CAMTA1: variants seen among roughly 807,000 people sequenced by gnomAD.
CAMTA1 encodes calmodulin-binding transcription activator 1.
Under a neutral mutation model 170.9 loss-of-function variants are expected in CAMTA1, and 27 were observed. The ratio of observed to expected loss-of-function variants is 0.16; its 90% CI spans 0.12 to 0.22. The LOEUF (loss-of-function observed/expected upper bound fraction) is 0.22, where lower values mean the gene tolerates loss of function less well. Ranked by LOEUF, CAMTA1 falls within the 10% of genes least tolerant of loss-of-function variation. CAMTA1 has a pLI of 1.00. For synonymous variants in CAMTA1, 833 were observed against 891.5 expected (o/e 0.93, Z 1.17); for missense variants, 1,619 against 2,217.2 (o/e 0.73, Z 5.42).
At chr1:6,796,599 A>G (rs1207810798) in intron 1 of CAMTA1, among the ~76,000 whole-genome samples, 1 of 152,180 alleles carries the variant, frequency 6.6e-6, no homozygotes, top group Non-Finnish European at 1.5e-5. Context: ...CATATTTTAA[A>G]TAACTTCATT....
intron 5 of CAMTA1, among the ~76,000 whole-genome samples, chr1:7,387,680 G>A (rs1411563499): frequency 6.6e-6 from 1 of 152,210 alleles, no homozygotes; most frequent in Admixed American, 6.5e-5. Context: ...GTTTTAAAAT[G>A]TGCACGGTGT....
At chr1:7,696,802 G>A (rs778916787) in intron 11 of CAMTA1, among the ~76,000 whole-genome samples, 3 of 152,146 alleles carry the variant, frequency 2.0e-5, no homozygotes, top group Non-Finnish European at 4.4e-5. Flanking sequence ...CCGTAGAGAA[G>A]GCCGTGGCAG....
intron 6 of CAMTA1, among the ~76,000 whole-genome samples, chr1:7,637,994 G>A (rs1242832146): frequency 6.6e-6 from 1 of 152,206 alleles, no homozygotes; most frequent in Non-Finnish European, 1.5e-5. Context: ...GGTTAACTGA[G>A]CGTTGGCAGG....
chr1:7,260,870 A>G (rs1263784906), intron 5 of CAMTA1, among the ~76,000 whole-genome samples: 1 of 152,228 alleles, frequency 6.6e-6, no homozygotes, highest in African/African-American at 2.4e-5. Flanking sequence ...TGCGAGAGGT[A>G]GACATTTATC....
intron 5 of CAMTA1, among the ~76,000 whole-genome samples, chr1:7,314,689 C>A (rs1020035845): frequency 1.3e-5 from 2 of 152,164 alleles, no homozygotes; most frequent in Non-Finnish European, 2.9e-5. Context: ...GGAATCGTGA[C>A]TTAGGTTTCA....
At chr1:6,792,924 T>C (rs1641523603) in intron 1 of CAMTA1, among the ~76,000 whole-genome samples, 1 of 152,150 alleles carries the variant, frequency 6.6e-6, no homozygotes, top group Non-Finnish European at 1.5e-5. Flanking sequence ...AAAGAAACGT[T>C]TGGGGCTGTG....
chr1:7,385,826 G>A (rs535452116), intron 5 of CAMTA1, among the ~76,000 whole-genome samples: 2 of 152,270 alleles, frequency 1.3e-5, no homozygotes, highest in Non-Finnish European at 2.9e-5. Context: ...TCCCAGCACT[G>A]GGCGCCTCTG....
chr1:6,839,367 G>C (rs1449769455), intron 3 of CAMTA1, among the ~76,000 whole-genome samples: 1 of 152,026 alleles, frequency 6.6e-6, no homozygotes, highest in Non-Finnish European at 1.5e-5. Context: ...GGGCGACAGA[G>C]CGAGACTCTC....
intron 3 of CAMTA1, among the ~76,000 whole-genome samples, chr1:7,083,607 C>T (rs527908122): frequency 1.8e-4 from 27 of 152,244 alleles, no homozygotes; most frequent in African/African-American, 6.3e-4. Flanking sequence ...TGCACAGGTG[C>T]CCTGGAGAAA....
At chr1:7,057,884 C>T (rs1373315446) in intron 3 of CAMTA1, among the ~76,000 whole-genome samples, 3 of 152,206 alleles carry the variant, frequency 2.0e-5, no homozygotes, top group Non-Finnish European at 4.4e-5. Flanking sequence ...GGTAAGGAGA[C>T]TTCCTATCTG....
chr1:7,326,657 C>T (rs949217911), intron 5 of CAMTA1, among the ~76,000 whole-genome samples: 10 of 152,090 alleles, frequency 6.6e-5, no homozygotes, highest in South Asian at 4.2e-4. Context: ...GCACCTGAAA[C>T]GAGATAAGAA....
chr1:7,499,704 ATGAG>A (rs1342548613), intron 6 of CAMTA1, among the ~76,000 whole-genome samples: 1 of 134,474 alleles, frequency 7.4e-6, no homozygotes, highest in East Asian at 3.5e-4. Context: ...GCATATGTAT[ATGAG>A]TGTGTGTGTG....
At chr1:7,096,930 G>A (rs138701871) in intron 4 of CAMTA1, among the ~76,000 whole-genome samples, 12 of 152,214 alleles carry the variant, frequency 7.9e-5, no homozygotes, top group East Asian at 7.7e-4. Context: ...ACCCTTTTCC[G>A]TTTATTTTCC....
At chr1:7,088,780 C>T (rs1307419852) in intron 3 of CAMTA1, among the ~76,000 whole-genome samples, 1 of 152,184 alleles carries the variant, frequency 6.6e-6, no homozygotes, top group Non-Finnish European at 1.5e-5. Flanking sequence ...CAGGGGGTTC[C>T]AGCTGGCACA....
intron 4 of CAMTA1, among the ~76,000 whole-genome samples, chr1:7,147,086 C>G (rs1168196342): frequency 6.6e-6 from 1 of 151,652 alleles, no homozygotes; most frequent in African/African-American, 2.4e-5. Context: ...CACAAAAACA[C>G]ACTCATGTAC....
At chr1:6,984,853 A>G (rs1372163218) in intron 3 of CAMTA1, among the ~76,000 whole-genome samples, 1 of 152,224 alleles carries the variant, frequency 6.6e-6, no homozygotes, top group Non-Finnish European at 1.5e-5. Context: ...TCAGGGCCTC[A>G]AATCCAATGC....
intron 4 of CAMTA1, among the ~76,000 whole-genome samples, chr1:7,154,605 A>G (rs1308314504): frequency 6.6e-6 from 1 of 152,210 alleles, no homozygotes; most frequent in Non-Finnish European, 1.5e-5. Flanking sequence ...CTTGCTCTAA[A>G]GAGGACTGGA....
intron 6 of CAMTA1, among the ~76,000 whole-genome samples, chr1:7,497,214 G>T (rs2093843402): frequency 6.6e-6 from 1 of 152,146 alleles, no homozygotes. Context: ...CCCCTGTGAG[G>T]CCCCAATCCC....
chr1:7,254,281 C>T (rs1045432615), intron 5 of CAMTA1, among the ~76,000 whole-genome samples: 4 of 152,164 alleles, frequency 2.6e-5, no homozygotes, highest in East Asian at 1.9e-4. Flanking sequence ...GCTCTTAAGG[C>T]GTGACTTGCC....
Sources: allele counts gnomAD v4.1 joint callset (sites outside exome capture counted in the v4.1 genomes callset), GRCh38; gene constraint gnomAD v4.1.1; transcripts MANE v1.5; gene names NCBI Gene and HGNC (gene_info 2026-07-23, HGNC 2026-07-21).